SLC35F4: variants seen among roughly 807,000 people sequenced by gnomAD.
The protein encoded by SLC35F4 is chromosome 14 open reading frame 36.
SLC35F4 carries 24 observed loss-of-function variants against 44.2 expected under a neutral mutation model. That is an observed-to-expected ratio of 0.54 (90% CI 0.39 to 0.76). The LOEUF is 0.76. SLC35F4 is among the 30% of genes least tolerant of loss of function. SLC35F4 has a pLI of 0.00. For missense variants in SLC35F4, 562 were observed against 586.1 expected, an observed-to-expected ratio of 0.96 and a Z score of 0.42; for synonymous variants, 238 against 223.6, an observed-to-expected ratio of 1.06 and a Z score of -0.57.
At chr14:57,840,962 TATTTA>T (rs1362186186) in intron 1 of SLC35F4, among the ~76,000 whole-genome samples, 1 of 152,210 alleles carries the variant, frequency 6.6e-6, no homozygotes, top group African/African-American at 2.4e-5. Flanking sequence ...GGCACTATTT[TATTTA>T]TTCCTTTTTC....
intron 4 of SLC35F4, 154 bp downstream of exon 4, chr14:57,581,059 TG>T: frequency 3.1e-6 from 2 of 637,928 alleles, no homozygotes; most frequent in Non-Finnish European, 2.4e-6. Context: ...TGCAACTGCC[TG>T]GGCTTTCTAA....
intron 6 of SLC35F4, 109 bp from the exon 7 acceptor site, chr14:57,566,673 T>C (rs920915164): frequency 2.8e-6 from 3 of 1,053,126 alleles, no homozygotes; most frequent in African/African-American, 3.2e-5. Flanking sequence ...TTTTAAACTG[T>C]CTATACCTTT....
chr14:57,913,658 C>T (rs910215730), intron 1 of SLC35F4, among the ~76,000 whole-genome samples: 1 of 152,070 alleles, frequency 6.6e-6, no homozygotes, highest in African/African-American at 2.4e-5. Context: ...TAAACATATA[C>T]ACACATAAGC....
At chr14:57,723,551 G>T (rs193252166) in intron 1 of SLC35F4, among the ~76,000 whole-genome samples, 172 of 152,368 alleles carry the variant, frequency 1.1e-3, no homozygotes, top group Non-Finnish European at 2.2e-3. Context: ...AATTGCAGCT[G>T]CTGTACCAGA....
chr14:57,794,580 G>A (rs1161686986), intron 1 of SLC35F4, among the ~76,000 whole-genome samples: 1 of 152,022 alleles, frequency 6.6e-6, no homozygotes. Flanking sequence ...AAGCAAACTT[G>A]TTCTTTTTCT....
chr14:57,580,540 C>G (rs2069171613), intron 4 of SLC35F4: 1 of 388,394 alleles, frequency 2.6e-6, no homozygotes, highest in Non-Finnish European at 5.0e-6. Context: ...TCCCAGCAAT[C>G]TATTTTTAAC....
At chr14:57,661,985 T>C (rs943004597) in intron 1 of SLC35F4, among the ~76,000 whole-genome samples, 1 of 152,172 alleles carries the variant, frequency 6.6e-6, no homozygotes, top group Non-Finnish European at 1.5e-5. Context: ...TGGTGAGACC[T>C]GTGGTGATCT....
chr14:57,663,053 G>A (rs2074190223), intron 1 of SLC35F4, among the ~76,000 whole-genome samples: 1 of 152,106 alleles, frequency 6.6e-6, no homozygotes, highest in African/African-American at 2.4e-5. Flanking sequence ...GTCTAAGAGT[G>A]GGAATTACTC....
rs528160177 is a variant in SLC35F4, at chr14:57,744,655, G to A, written c.103+121068C>T. ...TCATGAAAATGGCCATACTGTCCAA[G>A]GTAATTTACAGATTCAATGCCATCC... On this transcript the variant is annotated intron_variant, in intron 1 of 7. Coordinates refer to ENST00000556826, the MANE Select transcript of SLC35F4 (RefSeq NM_001306087.2). Among the ~76,000 whole-genome samples the A allele has an allele frequency of 1.2e-4, 19 of 152,256 alleles. No individual in the cohort carries two copies. The South Asian group carries it at 3.9e-3, about 32-fold the overall frequency.
At chr14:57,719,279 A>G (rs1230347114) in intron 1 of SLC35F4, among the ~76,000 whole-genome samples, 1 of 151,908 alleles carries the variant, frequency 6.6e-6, no homozygotes, top group East Asian at 1.9e-4. Flanking sequence ...GGATTCCTCC[A>G]GTTTTGTTAT....
chr14:57,596,871 G>A (rs1332682502), intron 1 of SLC35F4: 1 of 1,367,490 alleles, frequency 7.3e-7, no homozygotes, highest in East Asian at 4.5e-5. Context: ...TCAGTTTGTG[G>A]AAGAGATCCA....
intron 3 of SLC35F4, among the ~76,000 whole-genome samples, chr14:57,583,363 C>CTAAT (rs1555354498): frequency 1.3e-5 from 2 of 151,480 alleles, no homozygotes; most frequent in African/African-American, 4.9e-5. Context: ...TTTACAACTA[C>CTAAT]TGATTGCCTT....
chr14:57,586,745 A>AAAAAAAAAAAAAAC, intron 3 of SLC35F4, among the ~76,000 whole-genome samples: 1 of 145,900 alleles, frequency 6.9e-6, no homozygotes, highest in Non-Finnish European at 1.5e-5. Flanking sequence ...AAAAAAAAAA[A>AAAAAAAAAAAAAAC]AAGACTTCAT....
At chr14:57,877,369 CA>C (rs918111698) in intron 1 of SLC35F4, among the ~76,000 whole-genome samples, 34 of 152,294 alleles carry the variant, frequency 2.2e-4, no homozygotes, top group African/African-American at 7.9e-4. Flanking sequence ...TTCCATGATA[CA>C]TGTGTACCAC....
In SLC35F4 at chr14:57,616,498, G is replaced by A. The variant is rs148042866; in HGVS notation, c.104-22374C>T. On this transcript the variant is annotated intron_variant, in intron 1 of 7. Coordinates refer to ENST00000556826, the MANE Select transcript of SLC35F4 (RefSeq NM_001306087.2). ...GCACAAGAGGATTCTTGCCCCCTCA[G>A]TGAAAAACACTGAGAATTCCCCAAA... is the stretch of plus-strand genomic sequence containing the variant. 8.9e-4 allele frequency among the ~76,000 whole-genome samples: 135 copies of A among 152,290 alleles called. 1 individual carries two copies. Among genetic ancestry groups the A allele is most frequent in the African/African-American group, 3.1e-3 (129 of 41,570 alleles).
At chr14:57,906,454 G>A (rs971959464) in intron 1 of SLC35F4, among the ~76,000 whole-genome samples, 10 of 152,108 alleles carry the variant, frequency 6.6e-5, no homozygotes, top group African/African-American at 2.4e-4. Context: ...ATTGTTGCAT[G>A]ACTTATTTAA....
At chr14:57,596,407 G>T in intron 1 of SLC35F4, 2 of 259,234 alleles carry the variant, frequency 7.7e-6, no homozygotes, top group Non-Finnish European at 1.5e-5. Flanking sequence ...ATTCAAGTTC[G>T]ATAAAAACGG....
At chr14:57,788,408 C>A (rs970470437) in intron 1 of SLC35F4, among the ~76,000 whole-genome samples, 1 of 152,060 alleles carries the variant, frequency 6.6e-6, no homozygotes, top group Non-Finnish European at 1.5e-5. Context: ...TACTTTGGAA[C>A]AAATGGACTT....
intron 1 of SLC35F4, among the ~76,000 whole-genome samples, chr14:57,773,370 T>A (rs143130388): frequency 2.6e-5 from 4 of 152,336 alleles, no homozygotes; most frequent in African/African-American, 9.6e-5. Flanking sequence ...ATCTTATGAA[T>A]GAGGCAAATA....
Sources: gnomAD v4.1 joint callset for allele counts (sites outside exome capture counted in the v4.1 genomes callset) on GRCh38, gnomAD v4.1.1 for gene constraint, MANE v1.5 for transcripts, NCBI Gene and HGNC (gene_info 2026-07-23, HGNC 2026-07-21) for gene names.